PAPPA2: variants seen among roughly 807,000 people sequenced by gnomAD.
PAPPA2 encodes the protein pappalysin-2.
Under a neutral mutation model 176.4 loss-of-function variants are expected in PAPPA2, and 86 were observed. That is an observed-to-expected ratio of 0.49 (90% CI 0.41 to 0.58). The LOEUF (loss-of-function observed/expected upper bound fraction) is 0.58, where lower values mean the gene tolerates loss of function less well. Among genes scored for constraint, PAPPA2 ranks in the 20% least tolerant of loss-of-function variants. The probability of loss-of-function intolerance (pLI) is 0.00; values close to 1 mark genes in which losing one functional copy is unlikely to be tolerated. For missense variants in PAPPA2, 2,073 were observed against 2,256.9 expected (o/e 0.92, Z 1.65); for synonymous variants, 809 against 852.2 (o/e 0.95, Z 0.88).
chr1:176,780,257 C>T (rs1301570368), intron 17 of PAPPA2, among the ~76,000 whole-genome samples: 1 of 152,160 alleles, frequency 6.6e-6, no homozygotes, highest in Non-Finnish European at 1.5e-5. Flanking sequence ...AGAAATATAA[C>T]AATACCTGGA....
At chr1:176,608,533 G>A (rs1042310851) in intron 3 of PAPPA2, among the ~76,000 whole-genome samples, 5 of 152,158 alleles carry the variant, frequency 3.3e-5, no homozygotes, top group Non-Finnish European at 5.9e-5. Context: ...CGTGTTTTGG[G>A]TCAAGGCCAA....
chr1:176,809,002 A>G (rs1056569019), intron 21 of PAPPA2, among the ~76,000 whole-genome samples: 1 of 152,186 alleles, frequency 6.6e-6, no homozygotes, highest in Non-Finnish European at 1.5e-5. Flanking sequence ...AATCTATGTG[A>G]GAATATCCTA....
chr1:176,520,813 CAA>C (rs1348464858), intron 1 of PAPPA2, among the ~76,000 whole-genome samples: 2 of 152,014 alleles, frequency 1.3e-5, no homozygotes, highest in African/African-American at 4.8e-5. Flanking sequence ...AAGGACCTGC[CAA>C]ATGTAATAGG....
chr1:176,674,451 C>T (rs978042632), intron 4 of PAPPA2, among the ~76,000 whole-genome samples: 6 of 152,028 alleles, frequency 3.9e-5, no homozygotes, highest in Admixed American at 6.6e-5. Flanking sequence ...TCTATTGTAT[C>T]ATTCTTATGT....
intron 1 of PAPPA2, among the ~76,000 whole-genome samples, chr1:176,554,599 T>C (rs1651158370): frequency 6.6e-6 from 1 of 152,216 alleles, no homozygotes; most frequent in African/African-American, 2.4e-5. Flanking sequence ...ATTGGAAACA[T>C]GGTTCCTTGG....
chr1:176,612,792 T>C (rs1655005351), intron 3 of PAPPA2, among the ~76,000 whole-genome samples: 1 of 152,218 alleles, frequency 6.6e-6, no homozygotes. Context: ...CCACTTTATG[T>C]CCTCAATGTC....
chr1:176,828,653 TGC>T (rs1666952140), intron 21 of PAPPA2, among the ~76,000 whole-genome samples: 1 of 152,114 alleles, frequency 6.6e-6, no homozygotes, highest in Admixed American at 6.6e-5. Flanking sequence ...TACATACATA[TGC>T]ACATGCATTG....
At chr1:176,745,894 A>G (rs980477148) in intron 14 of PAPPA2, among the ~76,000 whole-genome samples, 7 of 152,276 alleles carry the variant, frequency 4.6e-5, no homozygotes, top group Admixed American at 1.3e-4. Context: ...CACAATTGGG[A>G]CTTCTGGAAA....
At chr1:176,593,590 C>T (rs1287504337) in intron 2 of PAPPA2, among the ~76,000 whole-genome samples, 1 of 152,176 alleles carries the variant, frequency 6.6e-6, no homozygotes, top group Non-Finnish European at 1.5e-5. Flanking sequence ...CTGCCTGAGT[C>T]CCATCTGTGA....
rs1229035319 is a variant in PAPPA2 at position 176,594,777 on chromosome 1, G to A, written c.1173G>A (p.Gln391=). 2 of 1,614,114 alleles carry A rather than the reference G, an allele frequency of 1.2e-6. No homozygotes were observed. Among genetic ancestry groups the A allele is most frequent in the Admixed American group, 1.7e-5 (1 of 60,012 alleles). Residue 391 remains glutamine (Q), a synonymous_variant, in exon 3 of 23, where the codon CAG becomes CAA. Coordinates refer to ENST00000367662, the MANE Select transcript of PAPPA2 (RefSeq NM_020318.3). ...CTCAGGTGGCTAGCAGTCTAGACCAGTCTGGTCCCCTGAACAGCCCCTTCA... is the reference window on the plus strand; with the variant it reads ...CTCAGGTGGCTAGCAGTCTAGACCAATCTGGTCCCCTGAACAGCCCCTTCA... ...DGTQVASSLD[Q]SGPLNSPFMA...
At chr1:176,585,391 A>C (rs1040277376) in intron 2 of PAPPA2, among the ~76,000 whole-genome samples, 5 of 151,436 alleles carry the variant, frequency 3.3e-5, no homozygotes, top group Non-Finnish European at 7.4e-5. Flanking sequence ...CTTATATGTG[A>C]CTTGGTATTA....
At chr1:176,736,275 T>C (rs907321553) in intron 12 of PAPPA2, among the ~76,000 whole-genome samples, 27 of 152,028 alleles carry the variant, frequency 1.8e-4, no homozygotes, top group African/African-American at 6.5e-4. Flanking sequence ...TGCTTGTCTT[T>C]CATGTCTAGG....
chr1:176,681,083 G>T (rs1419146346), intron 4 of PAPPA2, among the ~76,000 whole-genome samples: 1 of 151,986 alleles, frequency 6.6e-6, no homozygotes, highest in Admixed American at 6.6e-5. Context: ...CCATGGAAGA[G>T]GGAGGGGGAA....
At chr1:176,664,523 G>A (rs141397406) in intron 3 of PAPPA2, among the ~76,000 whole-genome samples, 19 of 152,220 alleles carry the variant, frequency 1.2e-4, no homozygotes, top group Middle Eastern at 3.4e-3. Flanking sequence ...TAATCTCCTC[G>A]TCTCAAAGCC....
chr1:176,506,202 G>A (rs1648255182), intron 1 of PAPPA2, among the ~76,000 whole-genome samples: 1 of 151,968 alleles, frequency 6.6e-6, no homozygotes, highest in African/African-American at 2.4e-5. Flanking sequence ...CTGTTCCATT[G>A]GTCTGTGTGT....
chr1:176,520,904 C>G (rs941627289), intron 1 of PAPPA2, among the ~76,000 whole-genome samples: 1 of 152,018 alleles, frequency 6.6e-6, no homozygotes, highest in African/African-American at 2.4e-5. Flanking sequence ...CACCTGAGCC[C>G]AGGGGTTTAA....
chr1:176,653,534 T>C (rs764229973), intron 3 of PAPPA2, among the ~76,000 whole-genome samples: 1 of 151,706 alleles, frequency 6.6e-6, no homozygotes, highest in Non-Finnish European at 1.5e-5. Context: ...TATATGGTCT[T>C]TTCTGTTATT....
In PAPPA2 at chr1:176,595,560, G is replaced by A. The variant is rs778181854; in HGVS notation, c.1956G>A (p.Val652=). The change falls in exon 3 of 23, where the codon GTG becomes GTA. Residue 652 remains valine (V), a synonymous_variant. Transcript: ENST00000367662. The part of the protein sequence containing the change: ...GDCCDPQVAD[V]RKTCFDPDSP... ...GCTGCGACCCCCAGGTGGCTGATGT[G>A]CGCAAGACCTGCTTTGACCCTGACT... 3 of 1,613,796 alleles carry A rather than the reference G, an allele frequency of 1.9e-6. No homozygotes were observed. Among genetic ancestry groups the A allele is most frequent in the Non-Finnish European group, 2.5e-6 (3 of 1,179,900 alleles).
chr1:176,615,435 C>T (rs1208859247), intron 3 of PAPPA2, among the ~76,000 whole-genome samples: 3 of 152,268 alleles, frequency 2.0e-5, no homozygotes, highest in Middle Eastern at 3.4e-3. Context: ...CTCAGCCTCC[C>T]GAGTAGCTGG....
Sources: allele counts gnomAD v4.1 joint callset (sites outside exome capture counted in the v4.1 genomes callset), GRCh38; gene constraint gnomAD v4.1.1; transcripts MANE v1.5; gene names NCBI Gene and HGNC (gene_info 2026-07-23, HGNC 2026-07-21).